Variants in SKI observed in about 807,000 individuals in gnomAD.
SKI encodes ski oncogene.
In SKI, 23 loss-of-function variants were observed where a neutral mutation model predicts 59.3. The observed-to-expected ratio is 0.39, with a 90% CI of 0.28 to 0.55. The LOEUF is 0.55. SKI is among the 20% of genes least tolerant of loss of function. The probability of loss-of-function intolerance (pLI) is 0.67; values close to 1 mark genes in which losing one functional copy is unlikely to be tolerated. For synonymous variants in SKI, 673 were observed against 488.6 expected (o/e 1.38, Z -4.98); for missense variants, 1,017 against 1,038.9 (o/e 0.98, Z 0.29).
chr1:2,234,581 G>T (rs1011739867), intron 1 of SKI, among the ~76,000 whole-genome samples: 9 of 152,216 alleles, frequency 5.9e-5, no homozygotes, highest in South Asian at 2.1e-4. Flanking sequence ...CTTAGGTTAG[G>T]CCTTCACTGC....
chr1:2,276,061 C>T lies in SKI; in HGVS notation c.970-26917C>T, dbSNP rs114518699. On this transcript the variant is annotated intron_variant, in intron 1 of 6. Transcript: ENST00000378536. The stretch of plus-strand genomic sequence containing the variant: ...TTGTGCTCTTTCAAGCTGTTCTTTT[C>T]TTTGGTTCACACTGAGCAAGGGCTG... Among the ~76,000 whole-genome samples the T allele has an allele frequency of 4.2e-3, 634 of 152,352 alleles. 4 individuals are homozygous for T. The highest frequency in any genetic ancestry group is 0.014 in the African/African-American group (587 of 41,584).
In SKI at chr1:2,303,971, C is replaced by G; in HGVS notation, c.1343C>G (p.Thr448Ser). 6.2e-7 allele frequency: 1 copy of G among 1,612,462 alleles called. No homozygotes were observed. The highest frequency in any genetic ancestry group is 8.5e-7 in the Non-Finnish European group (1 of 1,179,828). ...TCCCGGGCCCCCGAGCCTCTCGCCA[C>G]TTGCACCCAGCCTCGGAAGCGGAAG... ...AVSRAPEPLATCTQPRKRKLT... is the reference protein window; with the variant it reads ...AVSRAPEPLASCTQPRKRKLT... The change falls in exon 4 of 7, where the codon ACT (threonine) becomes AGT (serine). Residue 448 changes from threonine (T) to serine (S), a missense_variant. Thr to Ser is a moderately conservative substitution (Grantham distance 58). Transcript: ENST00000378536. This position sits in a 1 kb window ranked among gnomAD's most constrained non-coding sequence, Gnocchi z 5.6.
Position 2,304,226 on chromosome 1 carries a change from G to A in SKI, c.1475-67G>A, listed in dbSNP as rs554159250. 5.3e-5 allele frequency: 83 copies of A among 1,553,992 alleles called. No individual in the cohort carries two copies. In the Middle Eastern group the frequency reaches 6.7e-4, roughly 13 times the overall value. On this transcript the variant is annotated intron_variant, in intron 4 of 6. Transcript: ENST00000378536. ...TTTCGCAGGTTCCTCCGGGAGCGGC[G>A]CGTCTCCCTGGTGTGGAGCTGCCGG...
At chr1:2,290,363 C>T (rs1192069994) in intron 1 of SKI, among the ~76,000 whole-genome samples, 2 of 152,206 alleles carry the variant, frequency 1.3e-5, no homozygotes, top group African/African-American at 2.4e-5. Flanking sequence ...GGCCAGCCTT[C>T]TGTGCGGGAC....
chr1:2,289,664 T>A (rs1341468985), intron 1 of SKI, among the ~76,000 whole-genome samples: 1 of 149,800 alleles, frequency 6.7e-6, no homozygotes, highest in African/African-American at 2.4e-5. Flanking sequence ...GGGCTGGCTG[T>A]AGCGGCTCTC....
At position 2,303,288 on chromosome 1, in the gene SKI, C is replaced by T. The variant is rs1199864125; in HGVS notation, c.1099C>T (p.Leu367=). The change falls in exon 3 of 7, where the codon CTG becomes TTG. Residue 367 remains leucine, a synonymous_variant. Coordinates refer to ENST00000378536, the MANE Select transcript of SKI (RefSeq NM_003036.4). This position sits in a 1 kb window ranked among gnomAD's most constrained non-coding sequence, Gnocchi z 5.6. ...RTLAGSSNKS[L]GCVHPRQRLS... ...ACAGACAACTCTTTCTCGACAGAGCCTGGGCTGTGTTCACCCTCGCCAGCG... is the reference window on the plus strand; with the variant it reads ...ACAGACAACTCTTTCTCGACAGAGCTTGGGCTGTGTTCACCCTCGCCAGCG... The T allele has an allele frequency of 1.2e-6, 2 of 1,613,478 alleles. No homozygotes were observed. Among genetic ancestry groups the T allele is most frequent in the Non-Finnish European group, 1.7e-6 (2 of 1,179,930 alleles).
intron 1 of SKI, among the ~76,000 whole-genome samples, chr1:2,299,269 G>A (rs959783927): frequency 1.3e-4 from 20 of 152,340 alleles, no homozygotes; most frequent in South Asian, 4.1e-4. Context: ...GGGGCCACAC[G>A]GGCAGGCGGG....
At chr1:2,234,668 C>A (rs531874141) in intron 1 of SKI, among the ~76,000 whole-genome samples, 1 of 152,134 alleles carries the variant, frequency 6.6e-6, no homozygotes, top group Non-Finnish European at 1.5e-5. Context: ...GTGTCCACGC[C>A]GGCGGCCCGG....
chr1:2,274,385 C>T (rs1164936968), intron 1 of SKI, among the ~76,000 whole-genome samples: 3 of 152,112 alleles, frequency 2.0e-5, no homozygotes, highest in African/African-American at 7.2e-5. Context: ...TTGCAGGTCA[C>T]GACCACCCAT....
At chr1:2,252,871 G>C (rs898146742) in intron 1 of SKI, among the ~76,000 whole-genome samples, 1 of 152,122 alleles carries the variant, frequency 6.6e-6, no homozygotes, top group African/African-American at 2.4e-5. Context: ...GCGATGGGCA[G>C]ATCACTTGAG....
intron 1 of SKI, among the ~76,000 whole-genome samples, chr1:2,258,518 T>TC (rs1553194095): frequency 7.2e-5 from 11 of 152,040 alleles, no homozygotes; most frequent in African/African-American, 2.7e-4. Context: ...TTTTTTTTTT[T>TC]TCTCCCATGA....
rs1464967978 is a variant in SKI at position 2,307,388 on chromosome 1, A to T, written c.*623A>T. The T allele has an allele frequency of 6.6e-6, 1 of 152,464 alleles. No homozygotes were observed. Among genetic ancestry groups the T allele is most frequent in the Non-Finnish European group, 1.5e-5 (1 of 68,126 alleles). The allele number at this position is 152,464 out of a possible 1,614,324, so 9.4% of individuals were successfully genotyped here. A position where few individuals can be genotyped will look rare whatever the true frequency, so the allele number is the denominator to read the frequency against. ...CTTACTGCCGCCTACCCCGCCCGCC[A>T]CGCCGCCGTCGATGCCAGCGCTGTC... On this transcript the variant is annotated 3_prime_UTR_variant, in exon 7 of 7. Coordinates refer to ENST00000378536, the MANE Select transcript of SKI (RefSeq NM_003036.4).
At chr1:2,257,317 G>C (rs1208592657) in intron 1 of SKI, among the ~76,000 whole-genome samples, 2 of 152,266 alleles carry the variant, frequency 1.3e-5, no homozygotes, top group Non-Finnish European at 2.9e-5. Flanking sequence ...ATCTGGTCAC[G>C]TCAAGGCTGA....
chr1:2,269,367 T>G lies in SKI; in HGVS notation c.970-33611T>G, dbSNP rs1370215468. On this transcript the variant is annotated intron_variant, in intron 1 of 6. Transcript: ENST00000378536. The surrounding 1 kb of genome is among the most constrained non-coding windows in gnomAD (Gnocchi z 4.7). ...AGAGACAGTGGGTTTTGCAGTGATGTGAGCTTTGACGGAAGTGGCCACACT... is the reference window on the plus strand; with the variant it reads ...AGAGACAGTGGGTTTTGCAGTGATGGGAGCTTTGACGGAAGTGGCCACACT... 1.3e-5 allele frequency among the ~76,000 whole-genome samples: 2 copies of G among 152,330 alleles called. No individual in the cohort carries two copies. The highest frequency in any genetic ancestry group is 4.1e-4 in the South Asian group (2 of 4,830).
chr1:2,276,581 A>G (rs1639748335), intron 1 of SKI, among the ~76,000 whole-genome samples: 1 of 152,358 alleles, frequency 6.6e-6, no homozygotes, highest in South Asian at 2.1e-4. Context: ...AGAATTGTGC[A>G]TGGATGGTGA....
intron 5 of SKI, among the ~76,000 whole-genome samples, chr1:2,305,190 C>CA (rs1404890225): frequency 6.6e-6 from 1 of 152,244 alleles, no homozygotes; most frequent in Non-Finnish European, 1.5e-5. Context: ...TCACGGTTCT[C>CA]ACGCTGCAGC....
chr1:2,283,648 C>T (rs767751667), intron 1 of SKI, among the ~76,000 whole-genome samples: 6 of 145,404 alleles, frequency 4.1e-5, no homozygotes, highest in Non-Finnish European at 1.5e-5. Context: ...CACGAGGGGC[C>T]ATCCAGCCCA....
chr1:2,290,050 C>A (rs990997153), intron 1 of SKI, among the ~76,000 whole-genome samples: 3 of 152,172 alleles, frequency 2.0e-5, no homozygotes, highest in African/African-American at 7.2e-5. Context: ...AGACCCTTGC[C>A]CTCTTGTGTG....
intron 1 of SKI, among the ~76,000 whole-genome samples, chr1:2,302,437 A>C (rs1640447395): frequency 6.6e-6 from 1 of 152,164 alleles, no homozygotes; most frequent in African/African-American, 2.4e-5. Flanking sequence ...CCAGTGGCCC[A>C]CAGGGACACG....
Sources: allele counts gnomAD v4.1 joint callset (sites outside exome capture counted in the v4.1 genomes callset), GRCh38; gene constraint gnomAD v4.1.1; non-coding constraint Gnocchi (gnomAD v3.1); transcripts MANE v1.5; gene names NCBI Gene and HGNC (gene_info 2026-07-23, HGNC 2026-07-21).